The following TUBA1C variants were observed in gnomAD, a reference collection of about 807,000 sequenced individuals.
TUBA1C encodes tubulin alpha-1C chain.
A neutral mutation model predicts 34.9 loss-of-function variants in TUBA1C; 16 were observed. The observed-to-expected ratio is 0.46, with a 90% CI of 0.31 to 0.70. The LOEUF is 0.70. TUBA1C is among the 30% of genes least tolerant of loss of function. TUBA1C has a pLI of 0.05. For synonymous variants in TUBA1C, 177 were observed against 215.9 expected (o/e 0.82, Z 1.58); for missense variants, 329 against 587.3 (o/e 0.56, Z 4.55).
Position 49,273,447 on chromosome 12 carries a change from A to T in TUBA1C, c.*220A>T. 4.2e-6 allele frequency: 3 copies of T among 720,916 alleles called. No individual in the cohort carries two copies. Among genetic ancestry groups the T allele is most frequent in the Non-Finnish European group, 6.8e-6 (3 of 444,298 alleles). The allele number at this position is 720,916 out of a possible 1,614,324, so 44.7% of individuals were successfully genotyped here. On this transcript the variant is annotated 3_prime_UTR_variant, in exon 4 of 4. Coordinates refer to ENST00000301072, the MANE Select transcript of TUBA1C (RefSeq NM_032704.5). ...GTCACCCAGGCTGGAGTGCAGTGGC[A>T]TGATAATACATAGCTCATTGCAGCC...
Position 49,273,686 on chromosome 12 carries a change from G to T in TUBA1C, c.*459G>T. 4.6e-6 allele frequency: 1 copy of T among 215,634 alleles called. No homozygotes were observed. The highest frequency in any genetic ancestry group is 9.4e-6 in the Non-Finnish European group (1 of 106,610). The allele number at this position is 215,634 out of a possible 1,614,324, so 13.4% of individuals were successfully genotyped here. On this transcript the variant is annotated 3_prime_UTR_variant, in exon 4 of 4. Coordinates refer to ENST00000301072, the MANE Select transcript of TUBA1C (RefSeq NM_032704.5). Reference sequence around the variant, plus strand: ...GCATGAGCCACTGCCCAGCTTCTTGGTTTATCTGTTTAATTTGGGCCTGAA... The same window carrying T: ...GCATGAGCCACTGCCCAGCTTCTTGTTTTATCTGTTTAATTTGGGCCTGAA...
chr12:49,245,151 T>C (rs1942654155), intron 1 of TUBA1C, among the ~76,000 whole-genome samples: 1 of 152,182 alleles, frequency 6.6e-6, no homozygotes, highest in Non-Finnish European at 1.5e-5. Flanking sequence ...GTTTATTCAC[T>C]TATTCATCAC....
At chr12:49,243,452 AG>A (rs1942638197) in intron 1 of TUBA1C, among the ~76,000 whole-genome samples, 1 of 152,058 alleles carries the variant, frequency 6.6e-6, no homozygotes, top group Non-Finnish European at 1.5e-5. Context: ...AGAAAAAAAA[AG>A]AAATCAGGTG....
At chr12:49,228,230 T>C (rs1312027000) in intron 1 of TUBA1C, 2 of 1,437,984 alleles carry the variant, frequency 1.4e-6, no homozygotes, top group African/African-American at 2.8e-5. Context: ...CATGGTACTG[T>C]GTGCATGCAA....
At chr12:49,268,867 A>G (rs757928501) in intron 1 of TUBA1C, among the ~76,000 whole-genome samples, 8 of 152,188 alleles carry the variant, frequency 5.3e-5, no homozygotes, top group South Asian at 4.1e-4. Flanking sequence ...TCAGAGAATG[A>G]ATCAGAGCTG....
chr12:49,256,917 C>T (rs375140897), intron 1 of TUBA1C, among the ~76,000 whole-genome samples: 4 of 152,074 alleles, frequency 2.6e-5, no homozygotes, highest in East Asian at 3.9e-4. Flanking sequence ...CGGTGGTTCA[C>T]GCCTGTAATC....
rs767438949 is a variant in TUBA1C, at chr12:49,269,485, C to T, written c.24C>T (p.His8=). MRECISI[H]VGQAGVQIGN... ...CACAGCGTGAGTGCATCTCCATCCA[C>T]GTTGGCCAGGCTGGTGTCCAGATTG... The change falls in exon 2 of 4, where the codon CAC becomes CAT. Residue 8 remains histidine (H), a synonymous_variant. Transcript: ENST00000301072. The T allele has an allele frequency of 1.1e-5, 18 of 1,614,100 alleles. No individual in the cohort carries two copies. In the East Asian group the frequency reaches 1.6e-4, roughly 14 times the overall value.
upstream of TUBA1C, among the ~76,000 whole-genome samples, chr12:49,264,056 TA>T (rs1331696695): frequency 6.6e-6 from 1 of 152,034 alleles, no homozygotes; most frequent in Non-Finnish European, 1.5e-5. Flanking sequence ...CCGTCTCTAC[TA>T]AAAATACAAA....
intron 1 of TUBA1C, among the ~76,000 whole-genome samples, chr12:49,256,063 C>T (rs946984636): frequency 2.0e-5 from 3 of 152,178 alleles, no homozygotes; most frequent in South Asian, 2.1e-4. Flanking sequence ...TACAGTGGTG[C>T]CACTGCACTC....
chr12:49,237,690 A>G (rs1942570508), intron 1 of TUBA1C, among the ~76,000 whole-genome samples: 1 of 148,614 alleles, frequency 6.7e-6, no homozygotes, highest in African/African-American at 2.5e-5. Context: ...GGGTGCAGTG[A>G]GTATGATCGC....
intron 3 of TUBA1C, among the ~76,000 whole-genome samples, chr12:49,270,806 C>CCG (rs1169916736): frequency 7.2e-5 from 11 of 152,000 alleles, no homozygotes; most frequent in East Asian, 3.9e-4. Context: ...TGGTGAAACC[C>CCG]TCTCTACTAA....
At position 49,265,201 on chromosome 12, in the gene TUBA1C, C is replaced by T; in HGVS notation, c.3+17C>T. 6.3e-7 allele frequency: 1 copy of T among 1,595,314 alleles called. No homozygotes were observed. The highest frequency in any genetic ancestry group is 8.6e-7 in the Non-Finnish European group (1 of 1,167,426). On this transcript the variant is annotated intron_variant, in intron 1 of 3. Transcript: ENST00000301072. The stretch of plus-strand genomic sequence containing the variant: ...CTAGTCATGGTGAGTGGGGTTCCCT[C>T]GGGGCTGGGGAAGAGTGCGCGTCCC...
intron 1 of TUBA1C, among the ~76,000 whole-genome samples, chr12:49,240,104 A>G (rs538649399): frequency 5.5e-4 from 83 of 151,078 alleles, no homozygotes; most frequent in Admixed American, 2.6e-3. Context: ...CAGACATCCC[A>G]AGAGCATTCT....
At chr12:49,252,629 T>G (rs1436860765) in intron 1 of TUBA1C, among the ~76,000 whole-genome samples, 1 of 152,050 alleles carries the variant, frequency 6.6e-6, no homozygotes, top group Non-Finnish European at 1.5e-5. Flanking sequence ...ATACAAAAAT[T>G]GGCTGGGCAC....
chr12:49,231,158 A>G (rs984645769), intron 1 of TUBA1C, among the ~76,000 whole-genome samples: 1 of 152,090 alleles, frequency 6.6e-6, no homozygotes, highest in Non-Finnish European at 1.5e-5. Flanking sequence ...TTAGTCCATC[A>G]TTATTTTTTA....
At chr12:49,263,442 A>G (rs1003667497), upstream of TUBA1C, among the ~76,000 whole-genome samples, 1 of 152,092 alleles carries the variant, frequency 6.6e-6, no homozygotes, top group Non-Finnish European at 1.5e-5. Flanking sequence ...TGTGCTAAAT[A>G]TATCTGGGGA....
At chr12:49,267,631 C>CTTT (rs1029824822) in intron 1 of TUBA1C, among the ~76,000 whole-genome samples, 5 of 152,172 alleles carry the variant, frequency 3.3e-5, no homozygotes, top group Admixed American at 3.3e-4. Flanking sequence ...CAGAGCGAGA[C>CTTT]TTTTTCTCAA....
intron 1 of TUBA1C, among the ~76,000 whole-genome samples, chr12:49,245,461 A>T (rs1942657372): frequency 6.6e-6 from 1 of 152,178 alleles, no homozygotes; most frequent in Non-Finnish European, 1.5e-5. Context: ...TAAAAAAATT[A>T]ACCAGGTAGT....
intron 1 of TUBA1C, among the ~76,000 whole-genome samples, chr12:49,251,965 C>T (rs926840082): frequency 4.6e-5 from 7 of 151,984 alleles, no homozygotes; most frequent in East Asian, 1.9e-4. Flanking sequence ...AAAAACTCAA[C>T]GAACTAGGAA....
Sources: gnomAD v4.1 joint callset for allele counts (sites outside exome capture counted in the v4.1 genomes callset) on GRCh38, gnomAD v4.1.1 for gene constraint, MANE v1.5 for transcripts, NCBI Gene and HGNC (gene_info 2026-07-23, HGNC 2026-07-21) for gene names.